The following PALD1 variants were observed in gnomAD, a reference collection of about 807,000 sequenced individuals.
The protein encoded by PALD1 is phosphatase domain containing paladin 1.
In PALD1, 57 loss-of-function variants were observed where a neutral mutation model predicts 96.0. The observed-to-expected ratio is 0.59, with a 90% CI of 0.48 to 0.74. The LOEUF is 0.74. Among genes scored for constraint, PALD1 ranks in the 30% least tolerant of loss-of-function variants. The pLI, the probability that PALD1 is intolerant of heterozygous loss-of-function variation, is 0.00. For missense variants in PALD1, 1,063 were observed against 1,143.7 expected, an observed-to-expected ratio of 0.93 and a Z score of 1.02; for synonymous variants, 464 against 473.6, an observed-to-expected ratio of 0.98 and a Z score of 0.26.
chr10:70,525,028 G>C (rs1183670001), intron 1 of PALD1, among the ~76,000 whole-genome samples: 2 of 152,068 alleles, frequency 1.3e-5, no homozygotes, highest in Admixed American at 6.5e-5. Context: ...TTGAGATAGA[G>C]TCTCACTCTG....
intron 1 of PALD1, among the ~76,000 whole-genome samples, chr10:70,509,055 C>A (rs1846462538): frequency 6.6e-6 from 1 of 152,204 alleles, no homozygotes. Context: ...CCTCTGCCGT[C>A]CCCCAGAGTC....
intron 1 of PALD1, among the ~76,000 whole-genome samples, chr10:70,518,740 C>G (rs1253207459): frequency 6.6e-6 from 1 of 152,208 alleles, no homozygotes; most frequent in African/African-American, 2.4e-5. Context: ...GACCCATTGG[C>G]CCTCCTGGTG....
chr10:70,525,985 G>A lies in PALD1; in HGVS notation c.34G>A (p.Val12Ile), dbSNP rs1846854293. ...GTTASTAQQT[V>I]SAGTPFEGLQ... The stretch of plus-strand genomic sequence containing the variant: ...AACGGCCAGCACAGCCCAGCAGACG[G>A]TCTCGGCAGGCACCCCATTTGAGGG... The change falls in exon 2 of 20, where the codon GTC (valine) becomes ATC (isoleucine). Residue 12 changes from valine (V) to isoleucine (I), a missense_variant. Transcript: ENST00000263563. 1 of 1,614,090 alleles carries A rather than the reference G, an allele frequency of 6.2e-7. No individual in the cohort carries two copies. The highest frequency in any genetic ancestry group is 8.5e-7 in the Non-Finnish European group (1 of 1,180,060).
chr10:70,562,520 G>A (rs1314704407), intron 18 of PALD1, among the ~76,000 whole-genome samples: 1 of 152,208 alleles, frequency 6.6e-6, no homozygotes, highest in African/African-American at 2.4e-5. Flanking sequence ...GTGTTCCTGT[G>A]CGGAAGGGCT....
chr10:70,492,244 C>T (rs183390321), intron 1 of PALD1, among the ~76,000 whole-genome samples: 10 of 152,032 alleles, frequency 6.6e-5, no homozygotes, highest in Admixed American at 2.6e-4. Context: ...CATATACAGA[C>T]GGTCCCTGAC....
At chr10:70,543,061 G>GTTT (rs57980012) in intron 17 of PALD1, among the ~76,000 whole-genome samples, 30 of 123,064 alleles carry the variant, frequency 2.4e-4, no homozygotes, top group African/African-American at 6.4e-4. Flanking sequence ...GTGCCCAGCC[G>GTTT]TTTTTTTTTT....
At chr10:70,546,799 A>G (rs541805561) in intron 17 of PALD1, among the ~76,000 whole-genome samples, 2 of 152,328 alleles carry the variant, frequency 1.3e-5, no homozygotes, top group African/African-American at 2.4e-5. Context: ...AAAGTACAAG[A>G]TATTAGCCAG....
chr10:70,462,840 A>G, the PALD1 span, among the ~76,000 whole-genome samples: 7 of 152,120 alleles, frequency 4.6e-5, no homozygotes, highest in Non-Finnish European at 7.4e-5. Context: ...CTTGCTGCCA[A>G]GGCACAGGCT....
In PALD1 at chr10:70,567,151, T is replaced by G; in HGVS notation, c.*418T>G. On this transcript the variant is annotated 3_prime_UTR_variant, in exon 20 of 20. Coordinates refer to ENST00000263563, the MANE Select transcript of PALD1 (RefSeq NM_014431.3). ...CAGAGCAGACCCGGCCACTGGTAGCTCCCCACTTCCTTACTCCTGCTGCTC... is the reference window on the plus strand; with the variant it reads ...CAGAGCAGACCCGGCCACTGGTAGCGCCCCACTTCCTTACTCCTGCTGCTC... 1 of 167,120 alleles carries G rather than the reference T, an allele frequency of 6.0e-6. No homozygotes were observed. The highest frequency in any genetic ancestry group is 1.3e-5 in the Non-Finnish European group (1 of 78,336). 10.4% of individuals were successfully genotyped at this position (167,120 alleles called of 1,614,324 possible). A position where few individuals can be genotyped will look rare whatever the true frequency, so the allele number is the denominator to read the frequency against.
In PALD1 at chr10:70,531,469, G is replaced by A. The variant is rs766376849; in HGVS notation, c.633+15G>A. ...TCCGGAAAGAGGTGAGGACCAGTGC[G>A]GTGTGCGGGAGACCCCAGCCCACAG... On this transcript the variant is annotated intron_variant, in intron 5 of 19. Coordinates refer to ENST00000263563, the MANE Select transcript of PALD1 (RefSeq NM_014431.3). 15 of 1,605,100 alleles carry A rather than the reference G, an allele frequency of 9.3e-6. No individual in the cohort carries two copies. Among genetic ancestry groups the A allele is most frequent in the Middle Eastern group, 1.7e-4 (1 of 6,042 alleles).
intron 18 of PALD1, among the ~76,000 whole-genome samples, chr10:70,560,495 C>T (rs1400200154): frequency 3.9e-5 from 6 of 152,112 alleles, no homozygotes; most frequent in African/African-American, 9.7e-5. Context: ...GGGACAGTCC[C>T]GCCTCCTTCA....
chr10:70,514,404 C>T lies in PALD1; in HGVS notation c.-29-11519C>T, dbSNP rs536922516. On this transcript the variant is annotated intron_variant, in intron 1 of 19. Transcript: ENST00000263563. ...TCTAGTTTAGAAAAATATAAAAACACTTGAGAAACACATAATTTAGCAGGT... is the reference window on the plus strand; with the variant it reads ...TCTAGTTTAGAAAAATATAAAAACATTTGAGAAACACATAATTTAGCAGGT... 4.6e-5 allele frequency among the ~76,000 whole-genome samples: 7 copies of T among 152,278 alleles called. No homozygotes were observed. The East Asian group carries it at 1.3e-3, about 29-fold the overall frequency.
intron 18 of PALD1, among the ~76,000 whole-genome samples, chr10:70,549,046 CAA>C (rs71472976): frequency 0.057 from 4,242 of 74,590 alleles, 145 homozygotes; most frequent in African/African-American, 0.16. Flanking sequence ...TTGTCTCTAC[CAA>C]AAAAAAAAAA....
chr10:70,514,584 TCTGCCTCCATGAAGCCTGTCAC>T (rs2132325436), intron 1 of PALD1, among the ~76,000 whole-genome samples: 1 of 152,148 alleles, frequency 6.6e-6, no homozygotes, highest in East Asian at 1.9e-4. Flanking sequence ...GCCAGGAGCC[TCTGCCTCCATGAAGCCTGTCAC>T]CTGGGAGGTT....
intron 18 of PALD1, among the ~76,000 whole-genome samples, chr10:70,560,579 C>T (rs961268576): frequency 3.3e-5 from 5 of 151,948 alleles, no homozygotes; most frequent in African/African-American, 1.2e-4. Context: ...GCAGGTGGCA[C>T]TCAGTAGACC....
chr10:70,522,195 A>AT (rs199546227), intron 1 of PALD1, among the ~76,000 whole-genome samples: 1,910 of 150,510 alleles, frequency 0.013, 35 homozygotes, highest in East Asian at 0.046. Flanking sequence ...GGCCGTTGTG[A>AT]TTTTTTTTTT....
chr10:70,486,357 A>G (rs1846016535), intron 1 of PALD1: 1 of 154,130 alleles, frequency 6.5e-6, no homozygotes, highest in Admixed American at 6.6e-5. Flanking sequence ...TCTGCCCTGT[A>G]GTGACTGAAC....
chr10:70,508,210 A>G (rs1286404132), intron 1 of PALD1, among the ~76,000 whole-genome samples: 1 of 152,190 alleles, frequency 6.6e-6, no homozygotes, highest in Non-Finnish European at 1.5e-5. Flanking sequence ...TGTTTATGGA[A>G]TATGTCAAGG....
Position 70,536,939 on chromosome 10 carries a change from G to A in PALD1, c.1228-872G>A, listed in dbSNP as rs76168195. 4.6e-3 allele frequency among the ~76,000 whole-genome samples: 704 copies of A among 152,300 alleles called. 5 individuals are homozygous for A. The highest frequency in any genetic ancestry group is 0.016 in the African/African-American group (660 of 41,560). On this transcript the variant is annotated intron_variant, in intron 10 of 19. Coordinates refer to ENST00000263563, the MANE Select transcript of PALD1 (RefSeq NM_014431.3). ...GCAGAGGAAGCTGGGCTGGGGTCAG[G>A]AGACTTGGGGAATCTGGCTCTGTTT...
Sources: allele counts gnomAD v4.1 joint callset (sites outside exome capture counted in the v4.1 genomes callset), GRCh38; gene constraint gnomAD v4.1.1; transcripts MANE v1.5; gene names NCBI Gene and HGNC (gene_info 2026-07-23, HGNC 2026-07-21).